IPMK: variants seen among roughly 807,000 people sequenced by gnomAD.
The protein encoded by IPMK is inositol 1,3,4,6-tetrakisphosphate 5-kinase.
A neutral mutation model predicts 45.8 loss-of-function variants in IPMK; 17 were observed. That is an observed-to-expected ratio of 0.37 (90% CI 0.25 to 0.56). IPMK has a LOEUF of 0.56. Ranked by LOEUF, IPMK falls within the 20% of genes least tolerant of loss-of-function variation. IPMK has a pLI of 0.79. For missense variants in IPMK, 399 were observed against 498.0 expected, an observed-to-expected ratio of 0.80 and a Z score of 1.89; for synonymous variants, 180 against 184.3, an observed-to-expected ratio of 0.98 and a Z score of 0.19.
chr10:58,262,186 A>G (rs1162822187), intron 1 of IPMK, among the ~76,000 whole-genome samples: 1 of 152,200 alleles, frequency 6.6e-6, no homozygotes, highest in Admixed American at 6.5e-5. Context: ...CTGCACATGT[A>G]TACATATGTA....
At position 58,195,980 on chromosome 10, in the gene IPMK, T is replaced by C. The variant is rs2132139857; in HGVS notation, c.*96A>G. 1.7e-6 allele frequency: 2 copies of C among 1,170,034 alleles called. No individual in the cohort carries two copies. The highest frequency in any genetic ancestry group is 2.4e-5 in the Admixed American group (1 of 42,074). The allele number at this position is 1,170,034 out of a possible 1,614,324, so 72.5% of individuals were successfully genotyped here. A position where few individuals can be genotyped will look rare whatever the true frequency, so the allele number is the denominator to read the frequency against. The stretch of plus-strand genomic sequence containing the variant: ...TAAAGACAAATAAAATGTCGACTCA[T>C]AATACAAATTTTTTACATAGCATTA... On this transcript the variant is annotated 3_prime_UTR_variant, in exon 6 of 6. Coordinates refer to ENST00000373935, the MANE Select transcript of IPMK (RefSeq NM_152230.5).
chr10:58,259,857 A>C (rs2132266989), intron 1 of IPMK, among the ~76,000 whole-genome samples: 1 of 152,086 alleles, frequency 6.6e-6, no homozygotes, highest in East Asian at 1.9e-4. Context: ...AAAAAGAAAA[A>C]CAAATGTAAC....
At chr10:58,266,456 T>C (rs1286967937) in intron 1 of IPMK, among the ~76,000 whole-genome samples, 1 of 152,220 alleles carries the variant, frequency 6.6e-6, no homozygotes, top group Non-Finnish European at 1.5e-5. Flanking sequence ...GTAACGTGAC[T>C]TCAGGCACGT....
At chr10:58,198,409 T>C (rs1837940222) in intron 5 of IPMK, among the ~76,000 whole-genome samples, 1 of 152,208 alleles carries the variant, frequency 6.6e-6, no homozygotes, top group Non-Finnish European at 1.5e-5. Context: ...TCCCCCAATT[T>C]GGGACAGAAA....
chr10:58,210,497 C>A (rs958996600), intron 4 of IPMK, among the ~76,000 whole-genome samples: 1 of 152,204 alleles, frequency 6.6e-6, no homozygotes, highest in African/African-American at 2.4e-5. Context: ...GAAATTGCCA[C>A]AAAATTCAGC....
chr10:58,262,786 T>C (rs1377498966), intron 1 of IPMK, among the ~76,000 whole-genome samples: 2 of 152,236 alleles, frequency 1.3e-5, no homozygotes, highest in East Asian at 3.8e-4. Context: ...AATAAATAAG[T>C]TCCATAATGG....
At chr10:58,197,605 G>GC (rs1837923317) in intron 5 of IPMK, among the ~76,000 whole-genome samples, 1 of 147,010 alleles carries the variant, frequency 6.8e-6, no homozygotes, top group Admixed American at 7.0e-5. Flanking sequence ...AGCCGAGATC[G>GC]CCCCACTGCA....
chr10:58,236,281 G>C (rs894333042), intron 2 of IPMK, among the ~76,000 whole-genome samples: 21 of 151,984 alleles, frequency 1.4e-4, no homozygotes, highest in Admixed American at 1.2e-3. Context: ...ATACGAAAAG[G>C]CTCCTGGACA....
chr10:58,211,675 C>T (rs1357722980), intron 4 of IPMK, among the ~76,000 whole-genome samples: 1 of 151,200 alleles, frequency 6.6e-6, no homozygotes, highest in Non-Finnish European at 1.5e-5. Flanking sequence ...CAACGTGAAC[C>T]TCATCTGTAC....
chr10:58,252,943 T>C (rs1430057577), intron 1 of IPMK, among the ~76,000 whole-genome samples: 1 of 152,176 alleles, frequency 6.6e-6, no homozygotes, highest in Non-Finnish European at 1.5e-5. Flanking sequence ...TCAGATGTTT[T>C]CTTGTTACAT....
At chr10:58,260,447 C>T (rs1232290633) in intron 1 of IPMK, among the ~76,000 whole-genome samples, 4 of 152,040 alleles carry the variant, frequency 2.6e-5, no homozygotes, top group African/African-American at 9.7e-5. Context: ...AGAAAATTGT[C>T]TTATTTTTAG....
chr10:58,207,821 G>A (rs1027386324), intron 4 of IPMK, among the ~76,000 whole-genome samples: 3 of 152,174 alleles, frequency 2.0e-5, no homozygotes, highest in Non-Finnish European at 4.4e-5. Context: ...AGCAAGGCCA[G>A]AGAAGTTTTC....
chr10:58,212,214 A>G (rs891154173), intron 4 of IPMK, among the ~76,000 whole-genome samples: 8 of 152,184 alleles, frequency 5.3e-5, no homozygotes, highest in Non-Finnish European at 1.0e-4. Context: ...TTATTTAACA[A>G]CAGTCTTATT....
chr10:58,244,301 G>A (rs1233141934), intron 1 of IPMK, among the ~76,000 whole-genome samples: 3 of 12,944 alleles, frequency 2.3e-4, no homozygotes, highest in Admixed American at 7.0e-4. Flanking sequence ...GGAAGTGGGC[G>A]CCTCTGCCCA....
At chr10:58,199,454 A>C in intron 4 of IPMK, 133 bp from the exon 5 acceptor site, 1 of 519,476 alleles carries the variant, frequency 1.9e-6, no homozygotes, top group Admixed American at 3.9e-5. Flanking sequence ...GAAAAAAAAA[A>C]ATCGCAGTTA....
At chr10:58,229,901 C>T (rs1400769948) in intron 2 of IPMK, among the ~76,000 whole-genome samples, 1 of 152,176 alleles carries the variant, frequency 6.6e-6, no homozygotes, top group African/African-American at 2.4e-5. Flanking sequence ...ATTTCCCTTT[C>T]CTAGCCAAGG....
Position 58,267,659 on chromosome 10 carries a change from G to T in IPMK, c.-48C>A. 1 of 1,203,370 alleles carries T rather than the reference G, an allele frequency of 8.3e-7. No homozygotes were observed. Among genetic ancestry groups the T allele is most frequent in the East Asian group, 2.6e-5 (1 of 39,112 alleles). 74.5% of individuals were successfully genotyped at this position (1,203,370 alleles called of 1,614,324 possible). On this transcript the variant is annotated 5_prime_UTR_variant, in exon 1 of 6. Transcript: ENST00000373935. The stretch of plus-strand genomic sequence containing the variant: ...GGCAGCGAGAGTAGGAAAAAAAATA[G>T]GGCGAGGGAGGGGGCGCCGGAGAAC...
chr10:58,262,204 T>A (rs1839082770), intron 1 of IPMK, among the ~76,000 whole-genome samples: 1 of 152,160 alleles, frequency 6.6e-6, no homozygotes. Context: ...GTAACAAACC[T>A]GCACGTTGTG....
At chr10:58,210,797 A>G (rs76441011) in intron 4 of IPMK, among the ~76,000 whole-genome samples, 3,474 of 152,268 alleles carry the variant, frequency 0.023, 69 homozygotes, top group Non-Finnish European at 0.034. Flanking sequence ...GGGAATTCAC[A>G]GTTTTTCACC....
Sources: allele counts gnomAD v4.1 joint callset (sites outside exome capture counted in the v4.1 genomes callset), GRCh38; gene constraint gnomAD v4.1.1; transcripts MANE v1.5; gene names NCBI Gene and HGNC (gene_info 2026-07-23, HGNC 2026-07-21).